The following RFX3 variants were observed in gnomAD, a reference collection of about 807,000 sequenced individuals.
RFX3 encodes regulatory factor X3.
A neutral mutation model predicts 98.6 loss-of-function variants in RFX3; 14 were observed. The observed-to-expected ratio is 0.14, with a 90% CI of 0.09 to 0.22. RFX3 has a LOEUF of 0.22. Ranked by LOEUF, RFX3 falls within the 10% of genes least tolerant of loss-of-function variation. RFX3 has a pLI of 1.00. For synonymous variants in RFX3, 383 were observed against 328.4 expected, an observed-to-expected ratio of 1.17 and a Z score of -1.80; for missense variants, 639 against 926.9, an observed-to-expected ratio of 0.69 and a Z score of 4.03.
intron 1 of RFX3, among the ~76,000 whole-genome samples, chr9:3,497,166 C>A (rs1285749289): frequency 6.6e-6 from 1 of 151,968 alleles, no homozygotes; most frequent in Admixed American, 6.6e-5. Context: ...TGAAATGTTA[C>A]AATATGTACC....
intron 1 of RFX3, among the ~76,000 whole-genome samples, chr9:3,496,279 G>T (rs544361800): frequency 6.6e-6 from 1 of 151,992 alleles, no homozygotes; most frequent in South Asian, 2.1e-4. Context: ...TCATCTCTTA[G>T]TGCATATTTT....
At chr9:3,394,796 A>C (rs1393647701) in intron 2 of RFX3, 1 of 980,780 alleles carries the variant, frequency 1.0e-6, no homozygotes, top group Non-Finnish European at 1.2e-6. Flanking sequence ...ACTCTTTAGA[A>C]GAAATCACAG....
intron 2 of RFX3, among the ~76,000 whole-genome samples, chr9:3,377,023 A>G (rs1395061101): frequency 6.6e-6 from 1 of 152,218 alleles, no homozygotes; most frequent in Non-Finnish European, 1.5e-5. Context: ...AACCATTGTG[A>G]AAGACAGTGT....
chr9:3,398,642 C>T (rs1305414275), intron 1 of RFX3, among the ~76,000 whole-genome samples: 1 of 152,064 alleles, frequency 6.6e-6, no homozygotes, highest in Non-Finnish European at 1.5e-5. Flanking sequence ...GAGTTTCTTA[C>T]AATGATGTCA....
At chr9:3,467,261 T>G (rs1375749524) in intron 1 of RFX3, among the ~76,000 whole-genome samples, 1 of 145,420 alleles carries the variant, frequency 6.9e-6, no homozygotes, top group African/African-American at 2.5e-5. Context: ...TATACATATA[T>G]ATGTACATAC....
intron 2 of RFX3, among the ~76,000 whole-genome samples, chr9:3,375,874 C>A (rs536160279): frequency 1.3e-5 from 2 of 152,008 alleles, no homozygotes; most frequent in Non-Finnish European, 1.5e-5. Flanking sequence ...GCAGGTGAAT[C>A]GCTTGAACCC....
At chr9:3,456,382 A>G (rs1174985175) in intron 1 of RFX3, among the ~76,000 whole-genome samples, 3 of 152,248 alleles carry the variant, frequency 2.0e-5, no homozygotes, top group Non-Finnish European at 4.4e-5. Flanking sequence ...AATCAGTATT[A>G]CAGACCATCT....
At chr9:3,256,572 T>C (rs1391406275) in intron 14 of RFX3, among the ~76,000 whole-genome samples, 2 of 152,190 alleles carry the variant, frequency 1.3e-5, no homozygotes, top group South Asian at 2.1e-4. Flanking sequence ...GTGGTGCTAC[T>C]GGTTTAGGGA....
intron 15 of RFX3, among the ~76,000 whole-genome samples, chr9:3,246,371 C>A (rs896984539): frequency 6.6e-6 from 1 of 152,072 alleles, no homozygotes; most frequent in Non-Finnish European, 1.5e-5. Flanking sequence ...GCCGCCTGTG[C>A]AAGCATACCA....
chr9:3,464,820 G>C (rs983621297), intron 1 of RFX3, among the ~76,000 whole-genome samples: 2 of 151,988 alleles, frequency 1.3e-5, no homozygotes, highest in African/African-American at 4.8e-5. Context: ...ATATGTTGAA[G>C]ACTTTTATAC....
At chr9:3,489,450 T>A in intron 1 of RFX3, 1 of 984,324 alleles carries the variant, frequency 1.0e-6, no homozygotes, top group Non-Finnish European at 1.2e-6. Context: ...AGCTGCTGCA[T>A]CTTCCTACAT....
At chr9:3,255,397 A>T (rs1041427953) in intron 14 of RFX3, among the ~76,000 whole-genome samples, 5 of 152,190 alleles carry the variant, frequency 3.3e-5, no homozygotes, top group African/African-American at 1.2e-4. Flanking sequence ...CTCACCACTG[A>T]TGTCCAGAGG....
At chr9:3,398,234 C>T (rs139412094) in intron 1 of RFX3, among the ~76,000 whole-genome samples, 247 of 151,952 alleles carry the variant, frequency 1.6e-3, no homozygotes, top group African/African-American at 5.6e-3. Flanking sequence ...TCTTGCCTAA[C>T]GAGTATTACT....
At chr9:3,350,633 C>T (rs997155241) in intron 2 of RFX3, among the ~76,000 whole-genome samples, 1 of 152,088 alleles carries the variant, frequency 6.6e-6, no homozygotes, top group South Asian at 2.1e-4. Context: ...CAACTTTATT[C>T]ATAATTGCTA....
At chr9:3,352,202 C>T (rs910039759) in intron 2 of RFX3, among the ~76,000 whole-genome samples, 1 of 151,562 alleles carries the variant, frequency 6.6e-6, no homozygotes, top group Non-Finnish European at 1.5e-5. Flanking sequence ...TTTGTGTATA[C>T]AAAAATAAAT....
chr9:3,322,448 G>A (rs1276570379), intron 4 of RFX3, among the ~76,000 whole-genome samples: 1 of 151,906 alleles, frequency 6.6e-6, no homozygotes, highest in Non-Finnish European at 1.5e-5. Flanking sequence ...TATTAATTTT[G>A]TGGCTGGGTG....
intron 9 of RFX3, among the ~76,000 whole-genome samples, chr9:3,271,830 G>C (rs983535130): frequency 1.3e-5 from 2 of 152,132 alleles, no homozygotes; most frequent in Non-Finnish European, 2.9e-5. Context: ...CAGAGGCTGG[G>C]GCAGAAACCA....
chr9:3,436,699 A>T (rs960992381), intron 1 of RFX3, among the ~76,000 whole-genome samples: 2 of 152,066 alleles, frequency 1.3e-5, no homozygotes, highest in Non-Finnish European at 2.9e-5. Flanking sequence ...TACTTCTTTA[A>T]CCCAAAAGAA....
At position 3,380,394 on chromosome 9, in the gene RFX3, T is replaced by C. The variant is rs193142137; in HGVS notation, c.117+15078A>G. On this transcript the variant is annotated intron_variant, in intron 2 of 16. Coordinates refer to ENST00000617270, the MANE Select transcript of RFX3 (RefSeq NM_001282116.2). ...ATACCTCAGACATTACCATTCTTTATGTCATCTTCTGTTTACCTACCAGTC... is the reference window on the plus strand; with the variant it reads ...ATACCTCAGACATTACCATTCTTTACGTCATCTTCTGTTTACCTACCAGTC... Among the ~76,000 whole-genome samples, 16 of 152,312 alleles carry C rather than the reference T, an allele frequency of 1.1e-4. No homozygotes were observed. In the East Asian group the frequency reaches 1.9e-3, roughly 18 times the overall value.
Sources: allele counts gnomAD v4.1 joint callset (sites outside exome capture counted in the v4.1 genomes callset), GRCh38; gene constraint gnomAD v4.1.1; transcripts MANE v1.5; gene names NCBI Gene and HGNC (gene_info 2026-07-23, HGNC 2026-07-21).